The following BACE2 variants were observed in gnomAD, a reference collection of about 807,000 sequenced individuals.
BACE2 encodes the protein 56 kDa aspartic-like protease.
A neutral mutation model predicts 46.2 loss-of-function variants in BACE2; 17 were observed. The observed-to-expected ratio is 0.37, with a 90% CI of 0.25 to 0.55. BACE2 has a LOEUF of 0.55. Ranked by LOEUF, BACE2 falls within the 20% of genes least tolerant of loss-of-function variation. The pLI is 0.82. For missense variants in BACE2, 595 were observed against 698.1 expected (o/e 0.85, Z 1.66); for synonymous variants, 277 against 295.9 (o/e 0.94, Z 0.66).
intron 1 of BACE2, among the ~76,000 whole-genome samples, chr21:41,169,632 C>T (rs568228810): frequency 6.6e-6 from 1 of 152,184 alleles, no homozygotes; most frequent in South Asian, 2.1e-4. Context: ...AGAACATACT[C>T]ATGACTTTTG....
At chr21:41,206,199 G>A (rs1986116656) in intron 1 of BACE2, among the ~76,000 whole-genome samples, 1 of 152,154 alleles carries the variant, frequency 6.6e-6, no homozygotes, top group African/African-American at 2.4e-5. Flanking sequence ...GCATGGTCAG[G>A]GTCCAACGAG....
chr21:41,211,362 C>T (rs1601272803), intron 1 of BACE2, among the ~76,000 whole-genome samples: 1 of 151,974 alleles, frequency 6.6e-6, no homozygotes, highest in East Asian at 1.9e-4. Flanking sequence ...CTCCTCTTAG[C>T]TAAGTTCTGT....
intron 1 of BACE2, among the ~76,000 whole-genome samples, chr21:41,195,917 C>T (rs1174442673): frequency 6.6e-6 from 1 of 152,192 alleles, no homozygotes; most frequent in South Asian, 2.1e-4. Flanking sequence ...AAATGTTATT[C>T]CATCATATAA....
At chr21:41,215,110 G>A (rs534074089) in intron 1 of BACE2, among the ~76,000 whole-genome samples, 31 of 152,240 alleles carry the variant, frequency 2.0e-4, no homozygotes, top group African/African-American at 7.0e-4. Context: ...GAGCTTGGCC[G>A]GCCATGGAGA....
At chr21:41,273,457 C>T (rs1007906299) in intron 8 of BACE2, among the ~76,000 whole-genome samples, 4 of 152,302 alleles carry the variant, frequency 2.6e-5, no homozygotes, top group African/African-American at 9.6e-5. Flanking sequence ...TTTCTCAGGG[C>T]TGTTCCTGCT....
chr21:41,250,104 C>G (rs547471098), intron 6 of BACE2, among the ~76,000 whole-genome samples: 1 of 152,254 alleles, frequency 6.6e-6, no homozygotes, highest in Admixed American at 6.5e-5. Context: ...GTGTATCACA[C>G]CAATCAGTGT....
chr21:41,272,371 T>C (rs949739933), intron 8 of BACE2, among the ~76,000 whole-genome samples: 12 of 152,118 alleles, frequency 7.9e-5, no homozygotes, highest in Non-Finnish European at 1.6e-4. Context: ...GGAAAATTTT[T>C]GGTTTTTTCA....
intron 8 of BACE2, among the ~76,000 whole-genome samples, chr21:41,268,747 T>C (rs1292240875): frequency 6.6e-6 from 1 of 151,978 alleles, no homozygotes; most frequent in African/African-American, 2.4e-5. Flanking sequence ...AGGCCCTATC[T>C]CAAAAAAATA....
intron 6 of BACE2, among the ~76,000 whole-genome samples, chr21:41,249,519 G>A (rs190987395): frequency 5.3e-5 from 8 of 152,228 alleles, no homozygotes; most frequent in South Asian, 4.1e-4. Context: ...GGCACCCCTC[G>A]TTCCCTCCCC....
intron 8 of BACE2, among the ~76,000 whole-genome samples, chr21:41,263,951 T>A (rs1301367985): frequency 1.3e-5 from 2 of 152,214 alleles, no homozygotes. Flanking sequence ...ACATTCTTTC[T>A]AGTCTCTTCT....
intron 8 of BACE2, among the ~76,000 whole-genome samples, chr21:41,258,573 A>G (rs1225772322): frequency 1.3e-5 from 2 of 152,258 alleles, no homozygotes; most frequent in Non-Finnish European, 2.9e-5. Flanking sequence ...CTCCTGGTAA[A>G]TAAAGCAGAT....
At chr21:41,230,151 C>T (rs1353177680) in intron 2 of BACE2, 1 of 152,218 alleles carries the variant, frequency 6.6e-6, no homozygotes, top group Non-Finnish European at 1.5e-5. Flanking sequence ...TTTCAAGAGA[C>T]CATTCTTCAA....
chr21:41,179,710 C>T, intron 1 of BACE2: 2 of 1,246,346 alleles, frequency 1.6e-6, no homozygotes, highest in Non-Finnish European at 2.1e-6. Context: ...TGCTTCCCTG[C>T]TTACAGGCAA....
At chr21:41,179,315 G>A (rs1427053310) in intron 1 of BACE2, 7 of 1,313,330 alleles carry the variant, frequency 5.3e-6, no homozygotes, top group South Asian at 4.9e-5. Context: ...CAGGGTGAGT[G>A]AGAGTGTCCA....
intron 1 of BACE2, chr21:41,179,620 C>T (rs1265282277): frequency 7.3e-7 from 1 of 1,363,980 alleles, no homozygotes; most frequent in Non-Finnish European, 9.8e-7. Flanking sequence ...GGCGCAGCAA[C>T]TCTTTCATCT....
intron 2 of BACE2, among the ~76,000 whole-genome samples, chr21:41,235,694 T>C (rs1987097420): frequency 6.6e-6 from 1 of 152,076 alleles, no homozygotes; most frequent in Non-Finnish European, 1.5e-5. Context: ...AGAAAAATAT[T>C]AGTTGGGCTT....
intron 1 of BACE2, among the ~76,000 whole-genome samples, chr21:41,217,735 G>A (rs1986516483): frequency 6.6e-6 from 1 of 152,250 alleles, no homozygotes; most frequent in Non-Finnish European, 1.5e-5. Flanking sequence ...ATCCTAAGCT[G>A]GATGCAAAGA....
chr21:41,197,147 G>A (rs1181821418), intron 1 of BACE2, among the ~76,000 whole-genome samples: 1 of 151,782 alleles, frequency 6.6e-6, no homozygotes, highest in Non-Finnish European at 1.5e-5. Context: ...TTTTTGTAGG[G>A]ATGGGGTCTC....
chr21:41,210,787 T>C (rs1200380506), intron 1 of BACE2, among the ~76,000 whole-genome samples: 1 of 152,200 alleles, frequency 6.6e-6, no homozygotes, highest in Non-Finnish European at 1.5e-5. Context: ...CACTTAAATG[T>C]TAAGACTCCA....
Sources: allele counts gnomAD v4.1 joint callset (sites outside exome capture counted in the v4.1 genomes callset), GRCh38; gene constraint gnomAD v4.1.1; transcripts MANE v1.5; gene names NCBI Gene and HGNC (gene_info 2026-07-23, HGNC 2026-07-21).